Variants in COPS8 observed in about 807,000 individuals in gnomAD.
The protein encoded by COPS8 is COP9 signalosome subunit 8, also known as COP9 signalosome complex subunit 8.
COPS8 carries 11 observed loss-of-function variants against 31.5 expected under a neutral mutation model. That is an observed-to-expected ratio of 0.35 (90% CI 0.22 to 0.58). The LOEUF (loss-of-function observed/expected upper bound fraction) is 0.58, where lower values mean the gene tolerates loss of function less well. Among genes scored for constraint, COPS8 ranks in the 20% least tolerant of loss-of-function variants. The pLI, the probability that COPS8 is intolerant of heterozygous loss-of-function variation, is 0.83. For synonymous variants in COPS8, 81 were observed against 89.3 expected (o/e 0.91, Z 0.52); for missense variants, 215 against 255.1 (o/e 0.84, Z 1.07).
At chr2:237,097,224 C>CTTTTTTTTTTTTTTTTTTTTTTTTTTT (rs996251270) in intron 7 of COPS8, among the ~76,000 whole-genome samples, 7 of 95,986 alleles carry the variant, frequency 7.3e-5, no homozygotes, top group African/African-American at 1.9e-4. Context: ...TGTGGGTTTT[C>CTTTTTTTTTTTTTTTTTTTTTTTTTTT]TTTTTTTTTT....
chr2:237,100,096 T>C lies in COPS8; in HGVS notation c.*2354T>C, dbSNP rs1438130626. Reference sequence around the variant, plus strand: ...CGAACCTGTAGGGTAGTCAAAAAGCTCATGCTGGAAAATTCCACCGAATAA... The same window carrying C: ...CGAACCTGTAGGGTAGTCAAAAAGCCCATGCTGGAAAATTCCACCGAATAA... On this transcript the variant is annotated 3_prime_UTR_variant, in exon 8 of 8. Coordinates refer to ENST00000354371, the MANE Select transcript of COPS8 (RefSeq NM_006710.5). 1 of 152,114 alleles carries C rather than the reference T, an allele frequency of 6.6e-6. No individual in the cohort carries two copies. Among genetic ancestry groups the C allele is most frequent in the Non-Finnish European group, 1.5e-5 (1 of 68,012 alleles). The allele number at this position is 152,114 out of a possible 1,614,324, so 9.4% of individuals were successfully genotyped here.
intron 2 of COPS8, 97 bp from the exon 3 acceptor site, chr2:237,088,508 C>A (rs1236080615): frequency 1.3e-6 from 1 of 785,682 alleles, no homozygotes; most frequent in Non-Finnish European, 2.1e-6. Context: ...GTGAAGTATA[C>A]TTCTGTATGT....
chr2:237,095,434 C>T (rs1234617973), intron 5 of COPS8, among the ~76,000 whole-genome samples: 1 of 152,092 alleles, frequency 6.6e-6, no homozygotes, highest in Non-Finnish European at 1.5e-5. Context: ...TACAGGTAAA[C>T]CTTCCATATA....
intron 7 of COPS8, 106 bp from the exon 8 acceptor site, chr2:237,097,557 T>G (rs1696827774): frequency 1.4e-6 from 1 of 716,140 alleles, no homozygotes; most frequent in African/African-American, 1.8e-5. Flanking sequence ...CTAAGAAAGT[T>G]AACTTACTGT....
At position 237,099,240 on chromosome 2, in the gene COPS8, G is replaced by A. The variant is rs899835770; in HGVS notation, c.*1498G>A. On this transcript the variant is annotated 3_prime_UTR_variant, in exon 8 of 8. Transcript: ENST00000354371. ...CATGTAGTTTATATGGTTATTTTGA[G>A]GGTAACAAAAGGAGAATGATTACAA... The A allele has an allele frequency of 6.6e-6, 1 of 152,086 alleles. No homozygotes were observed. The highest frequency in any genetic ancestry group is 6.5e-5 in the Admixed American group (1 of 15,270). 9.4% of individuals were successfully genotyped at this position (152,086 alleles called of 1,614,324 possible). A position where few individuals can be genotyped will look rare whatever the true frequency, so the allele number is the denominator to read the frequency against.
chr2:237,086,096 G>A, intron 1 of COPS8, 54 bp downstream of exon 1: 3 of 1,513,058 alleles, frequency 2.0e-6, no homozygotes, highest in Non-Finnish European at 2.7e-6. Context: ...AGGCCCTGGG[G>A]CGGCACCAGT....
At chr2:237,089,779 C>A in intron 3 of COPS8, 83 bp from the exon 4 acceptor site, 1 of 1,335,292 alleles carries the variant, frequency 7.5e-7, no homozygotes, top group Non-Finnish European at 1.0e-6. Context: ...GTTTTTATAT[C>A]ATTTCTGGTA....
intron 7 of COPS8, 88 bp downstream of exon 7, chr2:237,096,957 G>A: frequency 1.1e-6 from 1 of 879,542 alleles, no homozygotes; most frequent in Non-Finnish European, 1.8e-6. Flanking sequence ...GTGTGAGTGT[G>A]TGTATCTATT....
intron 6 of COPS8, 139 bp from the exon 7 acceptor site, chr2:237,096,683 A>G (rs556789765): frequency 1.4e-6 from 1 of 698,260 alleles, no homozygotes; most frequent in South Asian, 1.6e-5. Context: ...ATAAAGAATT[A>G]TAATGGAGCA....
intron 4 of COPS8, among the ~76,000 whole-genome samples, chr2:237,091,448 AT>A (rs1156733417): frequency 2.0e-5 from 3 of 152,230 alleles, no homozygotes; most frequent in African/African-American, 7.2e-5. Context: ...TCCTGAACAT[AT>A]CCTGAGACTT....
At chr2:237,093,257 A>G (rs1696739481) in intron 4 of COPS8, among the ~76,000 whole-genome samples, 1 of 152,218 alleles carries the variant, frequency 6.6e-6, no homozygotes, top group South Asian at 2.1e-4. Flanking sequence ...ACAATGTCCC[A>G]GGAATGGAGA....
In COPS8 at chr2:237,098,100, T is replaced by G. The variant is rs1409313558; in HGVS notation, c.*358T>G. The G allele has an allele frequency of 6.0e-6, 1 of 166,642 alleles. No individual in the cohort carries two copies. Among genetic ancestry groups the G allele is most frequent in the Admixed American group, 6.0e-5 (1 of 16,798 alleles). The allele number at this position is 166,642 out of a possible 1,614,324, so 10.3% of individuals were successfully genotyped here. On this transcript the variant is annotated 3_prime_UTR_variant, in exon 8 of 8. Coordinates refer to ENST00000354371, the MANE Select transcript of COPS8 (RefSeq NM_006710.5). ...CATGCCGTACTCTTATATGTACCAT[T>G]GGTTGATAATTATAATGATTCATTT... is the stretch of plus-strand genomic sequence containing the variant.
At chr2:237,089,604 C>T (rs1696672906) in intron 3 of COPS8, among the ~76,000 whole-genome samples, 1 of 152,152 alleles carries the variant, frequency 6.6e-6, no homozygotes, top group South Asian at 2.1e-4. Context: ...TGACTACTTT[C>T]TCATGCCTTA....
chr2:237,095,483 G>C (rs1245560940), intron 5 of COPS8, among the ~76,000 whole-genome samples: 1 of 152,068 alleles, frequency 6.6e-6, no homozygotes, highest in East Asian at 1.9e-4. Context: ...TGTTATTACT[G>C]ATATGATGGT....
intron 4 of COPS8, among the ~76,000 whole-genome samples, chr2:237,090,723 T>C (rs1043323819): frequency 3.3e-5 from 5 of 152,182 alleles, no homozygotes; most frequent in African/African-American, 4.8e-5. Context: ...ATATCAGCTT[T>C]ACAGGGCAGC....
rs367631675 is a variant in COPS8 at position 237,094,145 on chromosome 2, C to T, written c.387C>T (p.Ile129=). ...ALVSQAYTSI[I]ADDFAAFVGL... ...TCTCTCAAGCGTATACTTCAATCAT[C>T]GCCGATGATTTTGCAGCCTTTGTTG... The change falls in exon 5 of 8, where the codon ATC becomes ATT. Residue 129 remains isoleucine (I), a synonymous_variant. Coordinates refer to ENST00000354371, the MANE Select transcript of COPS8 (RefSeq NM_006710.5). The T allele has an allele frequency of 8.7e-6, 14 of 1,613,932 alleles. No individual in the cohort carries two copies. Among genetic ancestry groups the T allele is most frequent in the East Asian group, 4.5e-5 (2 of 44,890 alleles).
In COPS8 at chr2:237,085,945, C is replaced by A. The variant is rs760820908; in HGVS notation, c.-20C>A. ...GGGTTTGGCTGTCCGGACGGTGCAGCGGCGAGGCCGGCCGCGAAGATGCCA... is the reference window on the plus strand; with the variant it reads ...GGGTTTGGCTGTCCGGACGGTGCAGAGGCGAGGCCGGCCGCGAAGATGCCA... On this transcript the variant is annotated 5_prime_UTR_variant, in exon 1 of 8. Coordinates refer to ENST00000354371, the MANE Select transcript of COPS8 (RefSeq NM_006710.5). The A allele has an allele frequency of 1.9e-6, 3 of 1,609,252 alleles. No homozygotes were observed. The South Asian group carries it at 3.3e-5, about 18-fold the overall frequency.
intron 6 of COPS8, among the ~76,000 whole-genome samples, chr2:237,096,341 T>C (rs889236242): frequency 6.6e-6 from 1 of 152,214 alleles, no homozygotes; most frequent in African/African-American, 2.4e-5. Flanking sequence ...TTAATTTCTA[T>C]GACCTGCCCT....
chr2:237,086,789 T>C, intron 1 of COPS8: 1 of 938,840 alleles, frequency 1.1e-6, no homozygotes, highest in Non-Finnish European at 1.3e-6. Context: ...AATTTGTTTC[T>C]TATAATAGTA....
Sources: allele counts gnomAD v4.1 joint callset (sites outside exome capture counted in the v4.1 genomes callset), GRCh38; gene constraint gnomAD v4.1.1; transcripts MANE v1.5; gene names NCBI Gene and HGNC (gene_info 2026-07-23, HGNC 2026-07-21).